The following FIG4 variants were observed in gnomAD, a reference collection of about 807,000 sequenced individuals.
FIG4 encodes the protein FIG4 phosphoinositide 5-phosphatase, also known as polyphosphoinositide phosphatase.
Under a neutral mutation model 118.6 loss-of-function variants are expected in FIG4, and 112 were observed. The observed-to-expected ratio is 0.94, with a 90% CI of 0.81 to 1.11. FIG4 has a LOEUF of 1.11. FIG4 is among the 50% of genes least tolerant of loss of function. FIG4 has a pLI of 0.00. For missense variants in FIG4, 969 were observed against 1,111.7 expected (o/e 0.87, Z 1.83); for synonymous variants, 369 against 381.2 (o/e 0.97, Z 0.37).
At chr6:109,713,099 C>T (rs569264288) in intron 1 of FIG4, among the ~76,000 whole-genome samples, 62 of 152,240 alleles carry the variant, frequency 4.1e-4, no homozygotes, top group African/African-American at 1.4e-3. Context: ...GTTAGGTATC[C>T]GATGCGCTGA....
chr6:109,812,513 G>A lies in FIG4; in HGVS notation c.2547-12575G>A, dbSNP rs142510228. On this transcript the variant is annotated intron_variant, in intron 22 of 22. Transcript: ENST00000230124. ...AGTGGACAAGGATGTAAGCAAAGAG[G>A]GAAATAGGAGGAAACTCAAGAGGAG... Among the ~76,000 whole-genome samples, 295 of 152,318 alleles carry A rather than the reference G, an allele frequency of 1.9e-3. 2 individuals are homozygous for A. The highest frequency in any genetic ancestry group is 6.8e-3 in the Middle Eastern group (2 of 294).
Position 109,825,299 on chromosome 6 carries a change from A to C in FIG4, c.*34A>C. 1 of 1,593,892 alleles carries C rather than the reference A, an allele frequency of 6.3e-7. No homozygotes were observed. On this transcript the variant is annotated 3_prime_UTR_variant, in exon 23 of 23. Transcript: ENST00000230124. ...CAGGTCCACCTGGTGGACACGTCTG[A>C]TTAGCTTAGAACCTGTCTTGTCTCA...
rs1778246663 is a variant in FIG4 at position 109,795,118 on chromosome 6, T to TG, written c.2460-1647_2460-1646insG. 3.4e-5 allele frequency among the ~76,000 whole-genome samples: 4 copies of TG among 117,606 alleles called. No individual in the cohort carries two copies. The South Asian group carries it at 1.2e-3, about 35-fold the overall frequency. The allele number at this position is 117,606 out of a possible 152,430, so 77.2% of individuals were successfully genotyped here. On this transcript the variant is annotated intron_variant, in intron 21 of 22. Transcript: ENST00000230124. ...CAGTTTTTTTTTTTTTTTTTTTTTT[T>TG]TTTTTTTTTTTTTTTTTGAGACGGA... is the stretch of plus-strand genomic sequence containing the variant.
intron 20 of FIG4, 28 bp from the exon 21 acceptor site, chr6:109,792,554 G>GTTC (rs754946427): frequency 7.2e-7 from 1 of 1,389,270 alleles, no homozygotes. Context: ...ATTCTTCCTG[G>GTTC]TTCTTCTTTT....
intron 22 of FIG4, among the ~76,000 whole-genome samples, chr6:109,814,819 A>G (rs1778815748): frequency 6.6e-6 from 1 of 152,070 alleles, no homozygotes; most frequent in Admixed American, 6.5e-5. Context: ...CCCTGAAATC[A>G]TTTCTCTGAG....
In FIG4 at chr6:109,727,216, A is replaced by T; in HGVS notation, c.397A>T (p.Ile133Phe). The change falls in exon 4 of 23, where the codon ATC (isoleucine) becomes TTC (phenylalanine). Residue 133 changes from isoleucine to phenylalanine, a missense_variant. Ile to Phe is a conservative substitution (Grantham distance 21). This residue lies in a region of FIG4 where 393 missense variants were observed against 409.4 expected (regional missense o/e 0.96). Transcript: ENST00000230124. ...CTATAAGGTCGAAGATACAAATATG[A>T]TCTATATACCCAATGATTCTGTACG... Reference protein sequence around the residue: ...AIYKVEDTNMIYIPNDSVRVT... With the variant: ...AIYKVEDTNMFYIPNDSVRVT... The T allele has an allele frequency of 1.2e-6, 2 of 1,612,678 alleles. No individual in the cohort carries two copies. The highest frequency in any genetic ancestry group is 1.7e-6 in the Non-Finnish European group (2 of 1,178,900).
chr6:109,762,286 A>G (rs1777135009), intron 12 of FIG4, 79 bp downstream of exon 12: 1 of 880,190 alleles, frequency 1.1e-6, no homozygotes, highest in South Asian at 1.3e-5. Flanking sequence ...AGTTTGTACT[A>G]CTTGGAAATT....
intron 1 of FIG4, among the ~76,000 whole-genome samples, chr6:109,693,039 G>T (rs150614279): frequency 1.3e-5 from 2 of 152,158 alleles, no homozygotes; most frequent in African/African-American, 4.8e-5. Flanking sequence ...TGAGGACTGC[G>T]TGAGATATTA....
At position 109,691,430 on chromosome 6, in the gene FIG4, G is replaced by A. The variant is rs1343427105; in HGVS notation, c.-6G>A. On this transcript the variant is annotated 5_prime_UTR_variant, in exon 1 of 23. Coordinates refer to ENST00000230124, the MANE Select transcript of FIG4 (RefSeq NM_014845.6). Reference sequence around the variant, plus strand: ...CCCTGTTGTGGGGCCCCCATTTGCCGCCGCCATGCCCACGGCCGCCGCCCC... The same window carrying A: ...CCCTGTTGTGGGGCCCCCATTTGCCACCGCCATGCCCACGGCCGCCGCCCC... The A allele has an allele frequency of 2.5e-6, 4 of 1,574,388 alleles. No individual in the cohort carries two copies. Among genetic ancestry groups the A allele is most frequent in the Middle Eastern group, 1.7e-4 (1 of 6,014 alleles).
intron 1 of FIG4, among the ~76,000 whole-genome samples, chr6:109,709,851 A>C (rs1181712569): frequency 6.6e-6 from 1 of 152,184 alleles, no homozygotes; most frequent in Non-Finnish European, 1.5e-5. Context: ...CAGCTTAAGA[A>C]CCTTTGGGCT....
chr6:109,819,169 C>T (rs976029702), intron 22 of FIG4, among the ~76,000 whole-genome samples: 8 of 152,196 alleles, frequency 5.3e-5, no homozygotes, highest in African/African-American at 1.9e-4. Context: ...TGCCTCTGCT[C>T]CTGATATACA....
At chr6:109,696,038 G>A (rs1164602063) in intron 1 of FIG4, among the ~76,000 whole-genome samples, 1 of 152,152 alleles carries the variant, frequency 6.6e-6, no homozygotes. Flanking sequence ...GCTGCTGTGG[G>A]CTTTATCTTC....
At chr6:109,703,313 T>G (rs1410188122) in intron 1 of FIG4, among the ~76,000 whole-genome samples, 1 of 152,150 alleles carries the variant, frequency 6.6e-6, no homozygotes, top group Non-Finnish European at 1.5e-5. Context: ...TTTTTTCTTT[T>G]CAGAAGCTGT....
At chr6:109,786,472 C>A in intron 18 of FIG4, 23 bp downstream of exon 18, 1 of 1,612,398 alleles carries the variant, frequency 6.2e-7, no homozygotes, top group Non-Finnish European at 8.5e-7. Flanking sequence ...TATTCTGATA[C>A]CATAAGTATT....
intron 10 of FIG4, 98 bp downstream of exon 10, chr6:109,743,870 C>T: frequency 3.5e-6 from 3 of 867,418 alleles, no homozygotes; most frequent in Non-Finnish European, 5.9e-6. Context: ...TTCCCTCTTC[C>T]TAGTGGAGAG....
rs141934637 is a variant in FIG4 at position 109,814,800 on chromosome 6, C to A, written c.2547-10288C>A. Among the ~76,000 whole-genome samples, 134 of 152,196 alleles carry A rather than the reference C, an allele frequency of 8.8e-4. 1 individual carries two copies. Among genetic ancestry groups the A allele is most frequent in the African/African-American group, 3.2e-3 (131 of 41,528 alleles). On this transcript the variant is annotated intron_variant, in intron 22 of 22. Coordinates refer to ENST00000230124, the MANE Select transcript of FIG4 (RefSeq NM_014845.6). ...GTTCTAGGCTCATCATGTCCTTTGT[C>A]TGTCCCAGCCCTGAAATCATTTCTC...
In FIG4 at chr6:109,716,126, AAATTT is replaced by A. The variant is rs1775422880; in HGVS notation, c.166-318_166-314del. Among the ~76,000 whole-genome samples, 4 of 152,240 alleles carry A rather than the reference AAATTT, an allele frequency of 2.6e-5. No individual in the cohort carries two copies. The South Asian group carries it at 6.2e-4, about 24-fold the overall frequency. On this transcript the variant is annotated intron_variant, in intron 2 of 22. Coordinates refer to ENST00000230124, the MANE Select transcript of FIG4 (RefSeq NM_014845.6). ...CTCGTTAAAGATGCACATTTACTCA[AAATTT>A]TGCACATAGTTTTAAGGGATTCATG...
rs747284213 is a variant in FIG4 at position 109,765,052 on chromosome 6, C to T, written c.1474C>T (p.Arg492Cys). 3.7e-6 allele frequency: 6 copies of T among 1,613,578 alleles called. No individual in the cohort carries two copies. The highest frequency in any genetic ancestry group is 3.3e-5 in the Admixed American group (2 of 60,002). The change falls in exon 14 of 23, where the codon CGC becomes TGC. Residue 492 changes from arginine to cysteine, a missense_variant. Around this residue, in one of 3 missense-constraint regions of FIG4, gnomAD observed 246 missense variants for 354.3 expected, o/e 0.69. Coordinates refer to ENST00000230124, the MANE Select transcript of FIG4 (RefSeq NM_014845.6). ...AACCAACTGTGTGGACTGTTTAGAT[C>T]GCACCAACACAGCACAGTTTATGGT... is the stretch of plus-strand genomic sequence containing the variant. ...LRTNCVDCLDRTNTAQFMVGK... is the reference protein window; with the variant it reads ...LRTNCVDCLDCTNTAQFMVGK...
intron 22 of FIG4, among the ~76,000 whole-genome samples, chr6:109,806,706 T>C (rs1264438966): frequency 6.6e-6 from 1 of 152,090 alleles, no homozygotes; most frequent in East Asian, 1.9e-4. Context: ...ACATGTGCCA[T>C]GGTGGTTTGC....
Sources: allele counts gnomAD v4.1 joint callset (sites outside exome capture counted in the v4.1 genomes callset), GRCh38; gene constraint gnomAD v4.1.1; regional missense constraint gnomAD v4.1.1; transcripts MANE v1.5; gene names NCBI Gene and HGNC (gene_info 2026-07-23, HGNC 2026-07-21).